The following CROCC variants were observed in gnomAD, a reference collection of about 807,000 sequenced individuals.
CROCC encodes rootletin.
A neutral mutation model predicts 245.2 loss-of-function variants in CROCC; 180 were observed. The observed-to-expected ratio is 0.73, with a 90% confidence interval of 0.65 to 0.83. The LOEUF (loss-of-function observed/expected upper bound fraction) is 0.83. Among genes scored for constraint, CROCC ranks in the 40% least tolerant of loss-of-function variants. The probability of loss-of-function intolerance (pLI) is 0.00; values close to 1 mark genes in which losing one functional copy is unlikely to be tolerated. For missense variants in CROCC, 2,688 were observed against 2,779.4 expected, an observed-to-expected ratio of 0.97 and a Z score of 0.74; for synonymous variants, 1,205 against 1,241.6, an observed-to-expected ratio of 0.97 and a Z score of 0.62.
rs1179391787 is a variant in CROCC at position 16,945,586 on chromosome 1, G to T, written c.2116G>T (p.Val706Leu). 1 of 1,612,564 alleles carries T rather than the reference G, an allele frequency of 6.2e-7. No homozygotes were observed. Among genetic ancestry groups the T allele is most frequent in the East Asian group, 2.2e-5 (1 of 44,884 alleles). Residue 706 changes from valine to leucine, a missense_variant, in exon 15 of 37, where the codon GTG becomes TTG. Coordinates refer to ENST00000375541, the MANE Select transcript of CROCC (RefSeq NM_014675.5). ...RDMLQAEKAEVAEALTKAEAG... is the reference protein window; with the variant it reads ...RDMLQAEKAELAEALTKAEAG... ...CATGCTGCAGGCCGAGAAGGCCGAGGTGGCCGAGGCGCTGACCAAGGTGGG... is the reference window on the plus strand; with the variant it reads ...CATGCTGCAGGCCGAGAAGGCCGAGTTGGCCGAGGCGCTGACCAAGGTGGG...
chr1:16,970,822 C>T, intron 35 of CROCC, 55 bp downstream of exon 35: 1 of 1,491,704 alleles, frequency 6.7e-7, no homozygotes, highest in South Asian at 1.4e-5. Context: ...GAGTGCTCAG[C>T]AATTCCAGTG....
intron 8 of CROCC, among the ~76,000 whole-genome samples, 162 bp from the exon 9 acceptor site, chr1:16,936,475 G>A (rs1194682392): frequency 1.3e-5 from 2 of 152,276 alleles, no homozygotes; most frequent in Admixed American, 1.3e-4. Flanking sequence ...CACCATGTTG[G>A]CCAGGCTGGT....
At chr1:16,955,609 A>G (rs568962513) in intron 24 of CROCC, 59 bp downstream of exon 24, 1 of 1,358,750 alleles carries the variant, frequency 7.4e-7, no homozygotes, top group Non-Finnish European at 9.8e-7. Context: ...CCTGAAACCT[A>G]ACTTCACCCC....
intron 33 of CROCC, 151 bp downstream of exon 33, chr1:16,970,085 A>T: frequency 4.0e-6 from 5 of 1,242,458 alleles, no homozygotes; most frequent in Non-Finnish European, 5.4e-6. Flanking sequence ...CCTGTTATAC[A>T]GATGGAGAAA....
chr1:16,958,197 A>C (rs534486606), intron 25 of CROCC, among the ~76,000 whole-genome samples: 2 of 152,314 alleles, frequency 1.3e-5, no homozygotes, highest in African/African-American at 4.8e-5. Flanking sequence ...AGTTAATATA[A>C]CTGAAGTGCT....
intron 13 of CROCC, among the ~76,000 whole-genome samples, chr1:16,941,600 C>T (rs2075933522): frequency 6.6e-6 from 1 of 151,894 alleles, no homozygotes; most frequent in East Asian, 1.9e-4. Flanking sequence ...GGCGTGGTGG[C>T]AGGCACCTAT....
intron 13 of CROCC, among the ~76,000 whole-genome samples, chr1:16,940,517 G>C: frequency 6.6e-6 from 1 of 152,136 alleles, no homozygotes. Context: ...CTCTGAAGTA[G>C]CTGGGATTAT....
intron 27 of CROCC, among the ~76,000 whole-genome samples, chr1:16,964,444 G>A: frequency 6.8e-6 from 1 of 146,664 alleles, no homozygotes; most frequent in South Asian, 2.2e-4. Context: ...GTGTAATGGT[G>A]CAGTCTTAGC....
intron 3 of CROCC, among the ~76,000 whole-genome samples, chr1:16,928,019 A>C (rs971992679): frequency 6.6e-6 from 1 of 152,270 alleles, no homozygotes; most frequent in Non-Finnish European, 1.5e-5. Context: ...GGGTCAATGC[A>C]GGCCTGGAGG....
At chr1:16,945,122 A>G (rs1410532292) in intron 14 of CROCC, among the ~76,000 whole-genome samples, 1 of 152,250 alleles carries the variant, frequency 6.6e-6, no homozygotes. Context: ...AATCCCAGCT[A>G]CTCGGGAGGC....
At chr1:16,918,328 A>C (rs1228904486), upstream of CROCC, among the ~76,000 whole-genome samples, 1 of 109,826 alleles carries the variant, frequency 9.1e-6, no homozygotes. Context: ...TTTTTTGGAG[A>C]ATTGGGTGGA....
At position 16,966,113 on chromosome 1, in the gene CROCC, G is replaced by A. The variant is rs1212211155; in HGVS notation, c.4690G>A (p.Glu1564Lys). 1.4e-5 allele frequency: 23 copies of A among 1,610,566 alleles called. No homozygotes were observed. The highest frequency in any genetic ancestry group is 2.0e-5 in the Non-Finnish European group (23 of 1,177,452). The change falls in exon 29 of 37, where the codon GAG becomes AAG. Residue 1564 changes from glutamate (E) to lysine (K), a missense_variant. This residue lies in a region of CROCC where 1,218 missense variants were observed against 1,286.3 expected (regional missense o/e 0.95). Transcript: ENST00000375541. The surrounding 1 kb of genome is among the most constrained non-coding windows in gnomAD (Gnocchi z 4.8). ...GCTGCAGAAGGCGGTGGCTGAGAGT[G>A]AGGAAGGTGAGTCTGATCCTCGGGG... Reference protein sequence around the residue: ...RQLQKAVAESEEARRSVDGRL... With the variant: ...RQLQKAVAESKEARRSVDGRL...
At chr1:16,939,231 T>A in intron 12 of CROCC, 89 bp downstream of exon 12, 1 of 853,990 alleles carries the variant, frequency 1.2e-6, no homozygotes, top group Non-Finnish European at 1.6e-6. Context: ...CGGGGGCAGG[T>A]CCGGGGCCAG....
chr1:16,930,388 C>A lies in CROCC; in HGVS notation c.683+41C>A. On this transcript the variant is annotated intron_variant, in intron 6 of 36. Coordinates refer to ENST00000375541, the MANE Select transcript of CROCC (RefSeq NM_014675.5). ...GGAGGGCCAGGGCTGGCAGGATGGC[C>A]CCCTGCGCGAGCGCCTACTGATCCC... 2.5e-6 allele frequency: 4 copies of A among 1,611,230 alleles called. No individual in the cohort carries two copies. In the South Asian group the frequency reaches 3.3e-5, roughly 13 times the overall value.
intron 1 of CROCC, among the ~76,000 whole-genome samples, chr1:16,915,013 C>A (rs1557560736): frequency 6.6e-6 from 1 of 152,258 alleles, no homozygotes; most frequent in Admixed American, 6.5e-5. Flanking sequence ...AGGCAAGACT[C>A]CAGGAGTCAA....
At chr1:16,969,089 C>T (rs918088631) in intron 31 of CROCC, 27 bp from the exon 32 acceptor site, 12 of 1,572,748 alleles carry the variant, frequency 7.6e-6, no homozygotes, top group South Asian at 2.3e-5. Flanking sequence ...GGAACAGCCC[C>T]GATTGTTCTG....
At chr1:16,930,834 C>T (rs1469969161) in intron 7 of CROCC, among the ~76,000 whole-genome samples, 1 of 152,278 alleles carries the variant, frequency 6.6e-6, no homozygotes, top group Admixed American at 6.5e-5. Context: ...TATCATTCTC[C>T]TCATTTTAAA....
rs776760575 is a variant in CROCC at position 16,956,075 on chromosome 1, C to G, written c.3783C>G (p.Ala1261=). 1 of 1,550,950 alleles carries G rather than the reference C, an allele frequency of 6.4e-7. No homozygotes were observed. The highest frequency in any genetic ancestry group is 8.7e-7 in the Non-Finnish European group (1 of 1,146,928). ...CACGGACAGCTGTGGGCAAGGAGGC[C>G]GGGGAGCTGCGAACTGGGCTGCAGG... ...EEARTAVGKE[A]GELRTGLQEV... Residue 1261 remains alanine, a synonymous_variant, in exon 25 of 37, where the codon GCC becomes GCG. Transcript: ENST00000375541.
At position 16,938,902 on chromosome 1, in the gene CROCC, C is replaced by T. The variant is rs1339134470; in HGVS notation, c.1375-7C>T. ...AGCCTCCTTCTGCCTCCCTCCCCCACCCTCAGGCCGTCTTGTCAGACTCTG... is the reference window on the plus strand; with the variant it reads ...AGCCTCCTTCTGCCTCCCTCCCCCATCCTCAGGCCGTCTTGTCAGACTCTG... On this transcript the variant is annotated splice_region_variant and splice_polypyrimidine_tract_variant and intron_variant, in intron 11 of 36. Transcript: ENST00000375541. 5.6e-6 allele frequency: 9 copies of T among 1,604,594 alleles called. No individual in the cohort carries two copies. The highest frequency in any genetic ancestry group is 1.3e-5 in the African/African-American group (1 of 74,284).
Sources: gnomAD v4.1 joint callset for allele counts (sites outside exome capture counted in the v4.1 genomes callset) on GRCh38, gnomAD v4.1.1 for gene constraint, gnomAD v4.1.1 regional missense constraint, Gnocchi (gnomAD v3.1) non-coding constraint, MANE v1.5 for transcripts, NCBI Gene and HGNC (gene_info 2026-07-23, HGNC 2026-07-21) for gene names.